Variants in ZNF277 observed in about 807,000 individuals in gnomAD.
ZNF277 encodes the protein zinc finger protein 277.
In ZNF277, 55 loss-of-function variants were observed where a neutral mutation model predicts 60.7. The observed-to-expected ratio is 0.91, with a 90% CI of 0.73 to 1.13. ZNF277 has a LOEUF of 1.13. Ranked by LOEUF, ZNF277 falls within the 50% of genes most tolerant of loss-of-function variation. The pLI is 0.00. For synonymous variants in ZNF277, 178 were observed against 179.3 expected (o/e 0.99, Z 0.06); for missense variants, 510 against 523.0 (o/e 0.98, Z 0.24).
At chr7:112,328,938 C>A (rs1480748496) in intron 6 of ZNF277, among the ~76,000 whole-genome samples, 1 of 152,016 alleles carries the variant, frequency 6.6e-6, no homozygotes, top group Non-Finnish European at 1.5e-5. Context: ...ATTTTTAACT[C>A]AAATTTTGAT....
At chr7:112,285,034 C>A (rs1397819815) in intron 1 of ZNF277, among the ~76,000 whole-genome samples, 1 of 151,692 alleles carries the variant, frequency 6.6e-6, no homozygotes, top group Non-Finnish European at 1.5e-5. Context: ...TATATAATTT[C>A]TTTTTTTTCT....
intron 4 of ZNF277, among the ~76,000 whole-genome samples, chr7:112,309,925 T>C (rs1290775330): frequency 6.6e-6 from 1 of 152,066 alleles, no homozygotes; most frequent in Non-Finnish European, 1.5e-5. Context: ...ACGCATAGGA[T>C]GAGATCTGGG....
intron 1 of ZNF277, among the ~76,000 whole-genome samples, chr7:112,263,674 A>G (rs1791484019): frequency 6.6e-6 from 1 of 152,136 alleles, no homozygotes; most frequent in Non-Finnish European, 1.5e-5. Flanking sequence ...TGTGTAGTTA[A>G]TACATGGCTC....
chr7:112,244,006 G>T (rs1159398345), intron 1 of ZNF277, among the ~76,000 whole-genome samples: 1 of 152,068 alleles, frequency 6.6e-6, no homozygotes, highest in African/African-American at 2.4e-5. Context: ...CAACAACATG[G>T]ATAGAACTGG....
intron 1 of ZNF277, among the ~76,000 whole-genome samples, chr7:112,254,221 A>C (rs951792382): frequency 1.3e-5 from 2 of 152,164 alleles, no homozygotes; most frequent in African/African-American, 4.8e-5. Flanking sequence ...CATTCATATC[A>C]CATGTTGGTA....
At chr7:112,248,929 A>C (rs1791141633) in intron 1 of ZNF277, among the ~76,000 whole-genome samples, 2 of 152,096 alleles carry the variant, frequency 1.3e-5, no homozygotes, top group African/African-American at 4.8e-5. Context: ...CTTATAAAAC[A>C]CAATCTGGAT....
At chr7:112,302,129 C>G (rs1792490719) in intron 4 of ZNF277, among the ~76,000 whole-genome samples, 1 of 151,982 alleles carries the variant, frequency 6.6e-6, no homozygotes, top group Non-Finnish European at 1.5e-5. Flanking sequence ...ATCACTATTT[C>G]AAATGTCAGC....
chr7:112,283,814 T>C (rs1397957728), intron 1 of ZNF277, among the ~76,000 whole-genome samples: 1 of 152,120 alleles, frequency 6.6e-6, no homozygotes, highest in Non-Finnish European at 1.5e-5. Flanking sequence ...TGTACTCTAG[T>C]GATTTTTGGA....
At chr7:112,298,115 A>G (rs995405692) in intron 4 of ZNF277, among the ~76,000 whole-genome samples, 1 of 152,230 alleles carries the variant, frequency 6.6e-6, no homozygotes, top group Non-Finnish European at 1.5e-5. Flanking sequence ...GAAGTACAAG[A>G]GTACAAGGCA....
In ZNF277 at chr7:112,337,764, G is replaced by T; in HGVS notation, c.904G>T (p.Ala302Ser). Residue 302 changes from alanine to serine, a missense_variant, in exon 9 of 12, where the codon GCA becomes TCA. Ala to Ser is a moderately conservative substitution (Grantham distance 99). Transcript: ENST00000361822. ...WSDWEEHPAS[A>S]VCLFCEKQAE... ...TGATTGGGAAGAACACCCTGCCTCT[G>T]CAGTCTGCTTATTTTGTGAAAAGCA... 1 of 1,612,366 alleles carries T rather than the reference G, an allele frequency of 6.2e-7. No homozygotes were observed. Among genetic ancestry groups the T allele is most frequent in the East Asian group, 2.2e-5 (1 of 44,838 alleles).
At chr7:112,269,527 T>C (rs932068919) in intron 1 of ZNF277, among the ~76,000 whole-genome samples, 2 of 152,164 alleles carry the variant, frequency 1.3e-5, no homozygotes, top group East Asian at 1.9e-4. Flanking sequence ...ATTGTTAACA[T>C]GGTTGTTAAC....
chr7:112,321,221 C>T (rs184668728), intron 5 of ZNF277, among the ~76,000 whole-genome samples: 2 of 151,792 alleles, frequency 1.3e-5, no homozygotes, highest in African/African-American at 2.4e-5. Context: ...GCACCCGGCT[C>T]CCTTGTTTCT....
intron 7 of ZNF277, among the ~76,000 whole-genome samples, chr7:112,335,536 G>A (rs1412949318): frequency 6.6e-6 from 1 of 152,050 alleles, no homozygotes; most frequent in African/African-American, 2.4e-5. Context: ...AGGTACTAGA[G>A]CACCTACTCA....
chr7:112,219,776 C>T (rs147234019), intron 1 of ZNF277, among the ~76,000 whole-genome samples: 124 of 152,256 alleles, frequency 8.1e-4, no homozygotes, highest in African/African-American at 2.9e-3. Flanking sequence ...GCTGGGATTA[C>T]AGGTGTGCAC....
chr7:112,270,275 T>A (rs1299678434), intron 1 of ZNF277, among the ~76,000 whole-genome samples: 1 of 152,134 alleles, frequency 6.6e-6, no homozygotes, highest in African/African-American at 2.4e-5. Flanking sequence ...TCATCAAAAT[T>A]AAATATCTAA....
rs1474208213 is a variant in ZNF277 at position 112,206,770 on chromosome 7, T to A, written c.54T>A (p.Asp18Glu). 6.2e-7 allele frequency: 1 copy of A among 1,612,964 alleles called. No individual in the cohort carries two copies. The highest frequency in any genetic ancestry group is 2.2e-5 in the East Asian group (1 of 44,824). ...TCGCCCGAATGCAGGAAGACCGTGA[T>A]GGGAGCTGCAGCACAGTCGGGGGTG... ...GAVARMQEDR[D>E]GSCSTVGGVG... Residue 18 changes from aspartate to glutamate, a missense_variant, in exon 1 of 12, where the codon GAT becomes GAA. Transcript: ENST00000361822.
At position 112,208,534 on chromosome 7, in the gene ZNF277, AC is replaced by A. The variant is rs1821640053; in HGVS notation, c.91+1728del. Reference sequence around the variant, plus strand: ...GAAAATTCCCTCACCTCACAGCACCACTCCCCGAGTATTAAGTGATAAGAGT... The same window carrying A: ...GAAAATTCCCTCACCTCACAGCACCATCCCCGAGTATTAAGTGATAAGAGT... On this transcript the variant is annotated intron_variant, in intron 1 of 11. Transcript: ENST00000361822. 2.0e-5 allele frequency among the ~76,000 whole-genome samples: 3 copies of A among 150,036 alleles called. No homozygotes were observed. In the South Asian group the frequency reaches 6.3e-4, roughly 31 times the overall value.
chr7:112,240,610 A>G (rs1790923987), intron 1 of ZNF277, among the ~76,000 whole-genome samples: 1 of 152,188 alleles, frequency 6.6e-6, no homozygotes, highest in South Asian at 2.1e-4. Flanking sequence ...TGATAACCAA[A>G]ACAGTATGGT....
intron 1 of ZNF277, among the ~76,000 whole-genome samples, chr7:112,257,702 C>T (rs780560066): frequency 6.6e-6 from 1 of 152,078 alleles, no homozygotes. Context: ...CAATAACATA[C>T]CTTCTCTAAG....
Sources: allele counts gnomAD v4.1 joint callset (sites outside exome capture counted in the v4.1 genomes callset), GRCh38; gene constraint gnomAD v4.1.1; transcripts MANE v1.5; gene names NCBI Gene and HGNC (gene_info 2026-07-23, HGNC 2026-07-21).